FBXL20: variants seen among roughly 807,000 people sequenced by gnomAD.
FBXL20 encodes F-box and leucine rich repeat protein 20.
FBXL20 carries 11 observed loss-of-function variants against 64.0 expected under a neutral mutation model. The observed-to-expected ratio is 0.17, with a 90% confidence interval of 0.11 to 0.28. The LOEUF is 0.28. FBXL20 is among the 10% of genes least tolerant of loss of function. FBXL20 has a pLI of 1.00. For missense variants in FBXL20, 303 were observed against 526.2 expected, an observed-to-expected ratio of 0.58 and a Z score of 4.15; for synonymous variants, 184 against 189.0, an observed-to-expected ratio of 0.97 and a Z score of 0.22.
chr17:39,347,170 T>C (rs904512617), intron 1 of FBXL20, among the ~76,000 whole-genome samples: 3 of 152,204 alleles, frequency 2.0e-5, no homozygotes, highest in Non-Finnish European at 2.9e-5. Context: ...TGTGTCTTTA[T>C]AGCAGCATGA....
intron 1 of FBXL20, among the ~76,000 whole-genome samples, chr17:39,397,936 G>A (rs758000952): frequency 2.7e-5 from 4 of 150,454 alleles, no homozygotes; most frequent in Non-Finnish European, 5.9e-5. Context: ...AACCTCTCAG[G>A]CCTTCACTTT....
chr17:39,329,272 T>G (rs1163206831), intron 2 of FBXL20, among the ~76,000 whole-genome samples: 2 of 152,146 alleles, frequency 1.3e-5, no homozygotes, highest in South Asian at 2.1e-4. Flanking sequence ...CCCAAATCCA[T>G]AAGTTAAATT....
In FBXL20 at chr17:39,386,761, A is replaced by G. The variant is rs2048085141; in HGVS notation, c.42+14600T>C. On this transcript the variant is annotated intron_variant, in intron 1 of 14. Coordinates refer to ENST00000264658, the MANE Select transcript of FBXL20 (RefSeq NM_032875.3). ...TTAGGGACTTTCAACCTAAATGTGT[A>G]TCCACTTCTAATTCCACAAAAGAAC... Among the ~76,000 whole-genome samples, 4 of 152,228 alleles carry G rather than the reference A, an allele frequency of 2.6e-5. No homozygotes were observed. The South Asian group carries it at 8.3e-4, about 32-fold the overall frequency.
chr17:39,280,640 A>G (rs539829689), intron 9 of FBXL20, among the ~76,000 whole-genome samples: 33 of 152,012 alleles, frequency 2.2e-4, no homozygotes, highest in African/African-American at 7.7e-4. Context: ...GAATAGTTTC[A>G]GCAAATTATC....
chr17:39,351,025 A>T (rs1269149129), intron 1 of FBXL20, among the ~76,000 whole-genome samples: 5 of 152,174 alleles, frequency 3.3e-5, no homozygotes, highest in African/African-American at 1.2e-4. Context: ...GAAGTGACAC[A>T]GCAATAGACA....
intron 1 of FBXL20, among the ~76,000 whole-genome samples, chr17:39,370,622 TAAAAAAAA>T (rs71300074): frequency 0.015 from 2,087 of 136,096 alleles, 54 homozygotes; most frequent in African/African-American, 0.053. Flanking sequence ...CCGTCTCTAC[TAAAAAAAA>T]AAAAAATACA....
chr17:39,362,654 T>A (rs1390887673), intron 1 of FBXL20, among the ~76,000 whole-genome samples: 1 of 144,636 alleles, frequency 6.9e-6, no homozygotes, highest in Non-Finnish European at 1.5e-5. Context: ...AGTCTCGCTC[T>A]GTCAACCAGG....
intron 1 of FBXL20, among the ~76,000 whole-genome samples, chr17:39,370,729 A>C (rs1257938714): frequency 6.7e-5 from 10 of 149,236 alleles, no homozygotes; most frequent in Admixed American, 6.0e-4. Context: ...TGGGAGGCGG[A>C]GCTTGCAGTG....
chr17:39,257,329 C>A lies in FBXL20; in HGVS notation c.*4131G>T, dbSNP rs568946302. The A allele has an allele frequency of 6.6e-5, 10 of 152,220 alleles. No homozygotes were observed. The highest frequency in any genetic ancestry group is 1.5e-4 in the Non-Finnish European group (10 of 68,036). 9.4% of individuals were successfully genotyped at this position (152,220 alleles called of 1,614,324 possible). A position where few individuals can be genotyped will look rare whatever the true frequency, so the allele number is the denominator to read the frequency against. ...GGCTATCTTGAATAACTCAAATAGT[C>A]TGGAAAGCCCAAAATGAAGCATCAT... On this transcript the variant is annotated 3_prime_UTR_variant, in exon 15 of 15. Transcript: ENST00000264658.
At chr17:39,276,221 G>GAAAA (rs1215336803) in intron 9 of FBXL20, among the ~76,000 whole-genome samples, 1,409 of 60,650 alleles carry the variant, frequency 0.023, no homozygotes, top group Non-Finnish European at 0.031. Flanking sequence ...AGCAAGAAAA[G>GAAAA]AAAAAAAAAA....
upstream of FBXL20, chr17:39,402,263 TGCCGCCGCGCCTCCGCGGTTGCC>T (rs750373499): frequency 2.8e-3 from 3,015 of 1,079,696 alleles, 46 homozygotes; most frequent in African/African-American, 0.095. Flanking sequence ...GCAGTGCGGC[TGCCGCCGCGCCTCCGCGGTTGCC>T]GCCGCCGCCG....
At chr17:39,343,889 A>T (rs1567889271) in intron 1 of FBXL20, among the ~76,000 whole-genome samples, 1 of 151,714 alleles carries the variant, frequency 6.6e-6, no homozygotes, top group East Asian at 2.0e-4. Context: ...TTTGAGACAG[A>T]GTCTCACTCT....
chr17:39,312,532 G>A lies in FBXL20; in HGVS notation c.105-8893C>T, dbSNP rs371449884. Among the ~76,000 whole-genome samples the A allele has an allele frequency of 3.9e-5, 5 of 128,710 alleles. No individual in the cohort carries two copies. The Admixed American group carries it at 4.3e-4, about 11-fold the overall frequency. The allele number at this position is 128,710 out of a possible 152,430, so 84.4% of individuals were successfully genotyped here. ...ACCACTCTACATCTAGTATGTCTAA[G>A]TATTTGCTATTATTTAGCAACCCTT... is the stretch of plus-strand genomic sequence containing the variant. On this transcript the variant is annotated intron_variant, in intron 2 of 14. Transcript: ENST00000264658.
rs1486772646 is a variant in FBXL20, at chr17:39,301,092, G to C, written c.160-17C>G. 1 of 1,608,088 alleles carries C rather than the reference G, an allele frequency of 6.2e-7. No individual in the cohort carries two copies. The highest frequency in any genetic ancestry group is 1.3e-5 in the African/African-American group (1 of 74,750). Reference sequence around the variant, plus strand: ...ATTCCAGGCCTATTTTAAAGAAAAAGAGACAGAATGAGCAGAAGCTAAAAT... The same window carrying C: ...ATTCCAGGCCTATTTTAAAGAAAAACAGACAGAATGAGCAGAAGCTAAAAT... On this transcript the variant is annotated splice_polypyrimidine_tract_variant and intron_variant, in intron 3 of 14. Transcript: ENST00000264658.
chr17:39,333,391 C>T lies in FBXL20; in HGVS notation c.104+9789G>A, dbSNP rs2047483529. On this transcript the variant is annotated intron_variant, in intron 2 of 14. Transcript: ENST00000264658. ...CCAGCTCCTGACCGCGAGTGATCTG[C>T]CAGCCTCGGCCTCCCGAGGTGCCGG... is the stretch of plus-strand genomic sequence containing the variant. 4.6e-5 allele frequency among the ~76,000 whole-genome samples: 7 copies of T among 152,374 alleles called. No individual in the cohort carries two copies. The South Asian group carries it at 1.4e-3, about 32-fold the overall frequency.
At chr17:39,354,560 C>T (rs989706998) in intron 1 of FBXL20, among the ~76,000 whole-genome samples, 7 of 152,130 alleles carry the variant, frequency 4.6e-5, no homozygotes, top group African/African-American at 7.2e-5. Context: ...TAGTCAGCAA[C>T]CCACAGCTAA....
At chr17:39,279,819 G>A (rs1430819979) in intron 9 of FBXL20, among the ~76,000 whole-genome samples, 2 of 151,992 alleles carry the variant, frequency 1.3e-5, no homozygotes, top group Non-Finnish European at 2.9e-5. Context: ...AATCACTTGA[G>A]CCCGGGAGGT....
chr17:39,401,609 G>C lies in FBXL20; in HGVS notation c.-207C>G. 7.1e-7 allele frequency: 1 copy of C among 1,402,734 alleles called. No individual in the cohort carries two copies. The allele number at this position is 1,402,734 out of a possible 1,614,324, so 86.9% of individuals were successfully genotyped here. On this transcript the variant is annotated 5_prime_UTR_variant, in exon 1 of 15. Transcript: ENST00000264658. ...CCGGCGGCCGCAACGACTGCTCGTC[G>C]CTAGCTCGGCTCTCTCCTCAGCCTC...
intron 1 of FBXL20, among the ~76,000 whole-genome samples, chr17:39,398,997 T>A (rs2048214840): frequency 6.6e-6 from 1 of 152,120 alleles, no homozygotes; most frequent in South Asian, 2.1e-4. Context: ...TAAAAAAATT[T>A]TTTTTCTATA....
Sources: gnomAD v4.1 joint callset for allele counts (sites outside exome capture counted in the v4.1 genomes callset) on GRCh38, gnomAD v4.1.1 for gene constraint, MANE v1.5 for transcripts, NCBI Gene and HGNC (gene_info 2026-07-23, HGNC 2026-07-21) for gene names.